The following FLG2 variants were observed in gnomAD, a reference collection of about 807,000 sequenced individuals.
FLG2 encodes the protein filaggrin-2.
FLG2 carries 7 observed loss-of-function variants against 3.9 expected under a neutral mutation model. The observed-to-expected ratio is 1.79, with a 90% CI of 1.02 to 3.36. The LOEUF is 3.36. FLG2 is among the 30% of genes most tolerant of loss of function. The pLI is 0.00. For missense variants in FLG2, 2,700 were observed against 2,809.4 expected, an observed-to-expected ratio of 0.96 and a Z score of 0.88; for synonymous variants, 1,031 against 1,056.1, an observed-to-expected ratio of 0.98 and a Z score of 0.46.
chr1:152,351,376 C>A lies in FLG2; in HGVS notation c.6410G>T (p.Gly2137Val), dbSNP rs745669747. The A allele has an allele frequency of 3.5e-5, 56 of 1,613,368 alleles. No individual in the cohort carries two copies. In the South Asian group the frequency reaches 5.5e-4, roughly 16 times the overall value. Residue 2137 changes from glycine to valine, a missense_variant, in exon 3 of 3, where the codon GGA (glycine) becomes GTA (valine). Physicochemically the swap from Gly to Val is moderately radical, Grantham distance 109. Transcript: ENST00000388718. ...TCCCTGTCTCCCGTGAATGGCAGATCCTGACTCTCCATGTTGAGATCTGGC... is the reference window on the plus strand; with the variant it reads ...TCCCTGTCTCCCGTGAATGGCAGATACTGACTCTCCATGTTGAGATCTGGC... ...GQARSQHGES[G>V]SAIHGRQGTI...
At position 152,353,256 on chromosome 1, in the gene FLG2, G is replaced by A. The variant is rs12022217; in HGVS notation, c.4530C>T (p.His1510=). Residue 1510 remains histidine (H), a synonymous_variant, in exon 3 of 3, where the codon CAC becomes CAT. Coordinates refer to ENST00000388718, the MANE Select transcript of FLG2 (RefSeq NM_001014342.3). ...GHSESSDSEV[H]SGGSHTHSGH... Reference sequence around the variant, plus strand: ...CTGAATGTGTGTGCGAGCCCCCTGAGTGCACTTCACTGTCACTGGACTCAC... The same window carrying A: ...CTGAATGTGTGTGCGAGCCCCCTGAATGCACTTCACTGTCACTGGACTCAC... The A allele has an allele frequency of 0.18, 292,236 of 1,612,424 alleles. 30,709 individuals are homozygous for A. Among genetic ancestry groups the A allele is most frequent in the East Asian group, 0.44 (19,652 of 44,652 alleles).
chr1:152,351,906 G>C lies in FLG2; in HGVS notation c.5880C>G (p.Asp1960Glu). 1.9e-6 allele frequency: 3 copies of C among 1,613,864 alleles called. No homozygotes were observed. Among genetic ancestry groups the C allele is most frequent in the Non-Finnish European group, 2.5e-6 (3 of 1,179,928 alleles). The change falls in exon 3 of 3, where the codon GAC becomes GAG. Residue 1960 changes from aspartate to glutamate, a missense_variant. Physicochemically the swap from Asp to Glu is conservative, Grantham distance 45. Coordinates refer to ENST00000388718, the MANE Select transcript of FLG2 (RefSeq NM_001014342.3). Reference protein sequence around the residue: ...RRGSGHSEYSDSEGPSGVSHT... With the variant: ...RRGSGHSEYSESEGPSGVSHT... The stretch of plus-strand genomic sequence containing the variant: ...GTGAGACCCCTGAGGGCCCTTCACT[G>C]TCACTGTACTCACTGTGGCCAGATC...
rs1414370204 is a variant in FLG2, at chr1:152,349,349, G to A, written c.*1261C>T. The A allele has an allele frequency of 6.6e-6, 1 of 152,124 alleles. No individual in the cohort carries two copies. Among genetic ancestry groups the A allele is most frequent in the Non-Finnish European group, 1.5e-5 (1 of 68,054 alleles). The allele number at this position is 152,124 out of a possible 1,614,324, so 9.4% of individuals were successfully genotyped here. ...TTTAGTAGAGACGGGATTTCACTAT[G>A]TTGGCCAGGCTGGTCTCGAACTCCT... On this transcript the variant is annotated 3_prime_UTR_variant, in exon 3 of 3. Coordinates refer to ENST00000388718, the MANE Select transcript of FLG2 (RefSeq NM_001014342.3).
In FLG2 at chr1:152,355,651, C is replaced by T; in HGVS notation, c.2135G>A (p.Ser712Asn). 6.2e-7 allele frequency: 1 copy of T among 1,613,870 alleles called. No homozygotes were observed. Among genetic ancestry groups the T allele is most frequent in the African/African-American group, 1.3e-5 (1 of 74,920 alleles). ...QSSGYGQHGSSSGQTSGFGQH... is the reference protein window; with the variant it reads ...QSSGYGQHGSNSGQTSGFGQH... ...TCCAAATCCAGATGTCTGTCCTGAA[C>T]TTGACCCATGTTGACCATAGCCAGA... is the stretch of plus-strand genomic sequence containing the variant. Residue 712 changes from serine (S) to asparagine (N), a missense_variant, in exon 3 of 3, where the codon AGT (serine) becomes AAT (asparagine). Physicochemically the swap from Ser to Asn is conservative, Grantham distance 46. Coordinates refer to ENST00000388718, the MANE Select transcript of FLG2 (RefSeq NM_001014342.3).
chr1:152,352,375 C>T lies in FLG2; in HGVS notation c.5411G>A (p.Ser1804Asn). Residue 1804 changes from serine to asparagine, a missense_variant, in exon 3 of 3, where the codon AGT becomes AAT. By Grantham distance (46) the Ser-to-Asn change is conservative. Coordinates refer to ENST00000388718, the MANE Select transcript of FLG2 (RefSeq NM_001014342.3). The stretch of plus-strand genomic sequence containing the variant: ...GTGCCCTTCACTGTCACTGTACTCA[C>T]TGTGGCCAGATGACCTTCTTCCAGT... ...RTTGRRSSGH[S>N]EYSDSEGHSG... The T allele has an allele frequency of 6.2e-7, 1 of 1,613,930 alleles. No individual in the cohort carries two copies. Among genetic ancestry groups the T allele is most frequent in the South Asian group, 1.1e-5 (1 of 91,058 alleles).
chr1:152,357,687 TA>T, intron 2 of FLG2, 40 bp from the exon 3 acceptor site: 1 of 1,412,912 alleles, frequency 7.1e-7, no homozygotes. Context: ...CTGGTCAGCC[TA>T]ACCTGCATAC....
Position 152,357,341 on chromosome 1 carries a change from C to T in FLG2, c.445G>A (p.Gly149Arg), listed in dbSNP as rs1210846933. 1.9e-6 allele frequency: 3 copies of T among 1,614,038 alleles called. No homozygotes were observed. The East Asian group carries it at 6.7e-5, about 36-fold the overall frequency. ...EHGYSSGHSR[G>R]TVKCRHGSNS... ...GACCCATGTCTACATTTCACAGTTC[C>T]CCTTGAGTGCCCAGAACTATATCCA... Residue 149 changes from glycine (G) to arginine (R), a missense_variant, in exon 3 of 3, where the codon GGA (glycine) becomes AGA (arginine). Physicochemically the swap from Gly to Arg is moderately radical, Grantham distance 125. Coordinates refer to ENST00000388718, the MANE Select transcript of FLG2 (RefSeq NM_001014342.3).
At position 152,354,437 on chromosome 1, in the gene FLG2, G is replaced by A; in HGVS notation, c.3349C>T (p.Gln1117Ter). 6.2e-7 allele frequency: 1 copy of A among 1,614,162 alleles called. No individual in the cohort carries two copies. The highest frequency in any genetic ancestry group is 1.6e-4 in the Middle Eastern group (1 of 6,062). Residue 1117 changes from glutamine to a stop codon, truncating the protein, a stop_gained, in exon 3 of 3, where the codon CAA (glutamine) becomes TAA (stop). Transcript: ENST00000388718. LOFTEE classifies it low-confidence loss of function (END_TRUNC). Reference protein sequence around the residue: ...PGSGQSSGFGQYGSGSGQSSG... With the variant: ...PGSGQSSGFG ...GACTGACCTGAGCCCGATCCATATT[G>A]GCCAAAGCCAGAGGACTGACCTGAG...
chr1:152,350,417 T>G lies in FLG2; in HGVS notation c.*193A>C. The G allele has an allele frequency of 1.4e-6, 1 of 692,544 alleles. No individual in the cohort carries two copies. The highest frequency in any genetic ancestry group is 2.3e-6 in the Non-Finnish European group (1 of 425,916). 42.9% of individuals were successfully genotyped at this position (692,544 alleles called of 1,614,324 possible). A position where few individuals can be genotyped will look rare whatever the true frequency, so the allele number is the denominator to read the frequency against. On this transcript the variant is annotated 3_prime_UTR_variant, in exon 3 of 3. Transcript: ENST00000388718. The stretch of plus-strand genomic sequence containing the variant: ...TTATATCCAGGTTGAACATAGGTGT[T>G]GTTTGACTGTTTATGAGTTACTATA...
rs1468236926 is a variant in FLG2 at position 152,359,524 on chromosome 1, CAAG to C, written c.-23+429_-23+431del. Among the ~76,000 whole-genome samples the C allele has an allele frequency of 5.9e-5, 9 of 152,206 alleles. No homozygotes were observed. The South Asian group carries it at 1.2e-3, about 21-fold the overall frequency. ...CCAAACACTGTTTTCTTTAATTAAT[CAAG>C]AAGAAGAGCTCAGCAATGCAGGCAG... On this transcript the variant is annotated intron_variant, in intron 1 of 2. Coordinates refer to ENST00000388718, the MANE Select transcript of FLG2 (RefSeq NM_001014342.3).
chr1:152,356,638 T>C lies in FLG2; in HGVS notation c.1148A>G (p.Tyr383Cys). 1.9e-6 allele frequency: 3 copies of C among 1,614,204 alleles called. No individual in the cohort carries two copies. The highest frequency in any genetic ancestry group is 2.5e-6 in the Non-Finnish European group (3 of 1,180,026). ...GSSQSSCCGQYGSGGSQSCSN... is the reference protein window; with the variant it reads ...GSSQSSCCGQCGSGGSQSCSN... The stretch of plus-strand genomic sequence containing the variant: ...ACAAGACTGGCTACCTCCAGACCCA[T>C]ATTGTCCACAGCAAGAGGACTGACT... The change falls in exon 3 of 3, where the codon TAT (tyrosine) becomes TGT (cysteine). Residue 383 changes from tyrosine to cysteine, a missense_variant. By Grantham distance (194) the Tyr-to-Cys change is radical. Coordinates refer to ENST00000388718, the MANE Select transcript of FLG2 (RefSeq NM_001014342.3).
In FLG2 at chr1:152,351,681, G is replaced by C. The variant is rs750743005; in HGVS notation, c.6105C>G (p.Asp2035Glu). 1 of 1,610,966 alleles carries C rather than the reference G, an allele frequency of 6.2e-7. No individual in the cohort carries two copies. The highest frequency in any genetic ancestry group is 1.1e-5 in the South Asian group (1 of 90,786). The stretch of plus-strand genomic sequence containing the variant: ...GTGAGACCCCTGAGTGCCCTTCACT[G>C]TCACTGTACTCACTGTGGCCAGATG... ...RRASGHSEYS[D>E]SEGHSGVSHT... The change falls in exon 3 of 3, where the codon GAC (aspartate) becomes GAG (glutamate). Residue 2035 changes from aspartate (D) to glutamate (E), a missense_variant. By Grantham distance (45) the Asp-to-Glu change is conservative (BLOSUM62 2). Coordinates refer to ENST00000388718, the MANE Select transcript of FLG2 (RefSeq NM_001014342.3).
At position 152,355,467 on chromosome 1, in the gene FLG2, G is replaced by A. The variant is rs746585354; in HGVS notation, c.2319C>T (p.His773=). 5 of 1,605,154 alleles carry A rather than the reference G, an allele frequency of 3.1e-6. No homozygotes were observed. Among genetic ancestry groups the A allele is most frequent in the African/African-American group, 1.4e-5 (1 of 71,946 alleles). ...CAGATGACTGACTTGAGCCAGAACTGTGTTGGCCATAGCTAGACTGACCTG... is the reference window on the plus strand; with the variant it reads ...CAGATGACTGACTTGAGCCAGAACTATGTTGGCCATAGCTAGACTGACCTG... ...SRSGQSSYGQ[H]SSGSSQSSGY... is the part of the protein sequence containing the mutation. Residue 773 remains histidine, a synonymous_variant, in exon 3 of 3, where the codon CAC becomes CAT. Coordinates refer to ENST00000388718, the MANE Select transcript of FLG2 (RefSeq NM_001014342.3).
Position 152,355,414 on chromosome 1 carries a change from G to A in FLG2, c.2372C>T (p.Thr791Ile), listed in dbSNP as rs376684068. Residue 791 changes from threonine (T) to isoleucine (I), a missense_variant, in exon 3 of 3, where the codon ACA (threonine) becomes ATA (isoleucine). By Grantham distance (89) the Thr-to-Ile change is moderately conservative (BLOSUM62 -1). Coordinates refer to ENST00000388718, the MANE Select transcript of FLG2 (RefSeq NM_001014342.3). ...SGYGQHGSRQ[T>I]SGFGQHGSGS... is the part of the protein sequence containing the mutation. ...TGACCCATGTTGTCCAAAGCCAGATGTCTGTCTAGACCCATGTTGGCCATA... is the reference window on the plus strand; with the variant it reads ...TGACCCATGTTGTCCAAAGCCAGATATCTGTCTAGACCCATGTTGGCCATA... 9 of 1,612,656 alleles carry A rather than the reference G, an allele frequency of 5.6e-6. No homozygotes were observed. The highest frequency in any genetic ancestry group is 2.2e-5 in the South Asian group (2 of 90,980).
chr1:152,359,046 A>G (rs1400279225), intron 1 of FLG2, 140 bp from the exon 2 acceptor site: 2 of 723,522 alleles, frequency 2.8e-6, no homozygotes, highest in Admixed American at 3.1e-5. Context: ...CAGGGATGAT[A>G]CAACCCCGTT....
In FLG2 at chr1:152,357,613, A is replaced by G. The variant is rs763825516; in HGVS notation, c.173T>C (p.Met58Thr). 25 of 1,613,748 alleles carry G rather than the reference A, an allele frequency of 1.5e-5. No individual in the cohort carries two copies. Among genetic ancestry groups the G allele is most frequent in the Non-Finnish European group, 2.0e-5 (24 of 1,179,876 alleles). ...PDDPDTVDVI[M>T]HMLDRDHDRR... Reference sequence around the variant, plus strand: ...GTCATGATCTCGATCCAGCATATGCATGATGACATCCACTGTGTCTGGATC... The same window carrying G: ...GTCATGATCTCGATCCAGCATATGCGTGATGACATCCACTGTGTCTGGATC... The change falls in exon 3 of 3, where the codon ATG (methionine) becomes ACG (threonine). Residue 58 changes from methionine to threonine, a missense_variant. Coordinates refer to ENST00000388718, the MANE Select transcript of FLG2 (RefSeq NM_001014342.3).
At position 152,355,326 on chromosome 1, in the gene FLG2, A is replaced by G; in HGVS notation, c.2460T>C (p.Phe820=). The G allele has an allele frequency of 1.2e-6, 2 of 1,613,952 alleles. No individual in the cohort carries two copies. Among genetic ancestry groups the G allele is most frequent in the Non-Finnish European group, 1.7e-6 (2 of 1,179,910 alleles). ...GTCCTGAGCCAGACCCATGTTGTCC[A>G]AAGCCAGCGGACTGACCTGAGCCTG... is the stretch of plus-strand genomic sequence containing the variant. The part of the protein sequence containing the change: ...YGSGSGQSAG[F]GQHGSGSGQS... The change falls in exon 3 of 3, where the codon TTT becomes TTC. Residue 820 remains phenylalanine, a synonymous_variant. Transcript: ENST00000388718.
At position 152,351,301 on chromosome 1, in the gene FLG2, T is replaced by C. The variant is rs1653909146; in HGVS notation, c.6485A>G (p.His2162Arg). Reference protein sequence around the residue: ...GDTTRHGQSGHGQSTQTGSRT... With the variant: ...GDTTRHGQSGRGQSTQTGSRT... ...GGAACCTGTCTGTGTGGACTGTCCA[T>C]GACCAGACTGGCCATGTCTAGTGGT... The change falls in exon 3 of 3, where the codon CAT (histidine) becomes CGT (arginine). Residue 2162 changes from histidine to arginine, a missense_variant. By Grantham distance (29) the His-to-Arg change is conservative. Transcript: ENST00000388718. 5.0e-6 allele frequency: 8 copies of C among 1,614,084 alleles called. No individual in the cohort carries two copies. Among genetic ancestry groups the C allele is most frequent in the Non-Finnish European group, 5.9e-6 (7 of 1,180,014 alleles).
chr1:152,356,162 T>C lies in FLG2; in HGVS notation c.1624A>G (p.Ser542Gly). ...GAGCCAGAACCATGTTGGCCATAGC[T>C]AGACTGACGTGATCTAGACTCATGT... is the stretch of plus-strand genomic sequence containing the variant. Reference protein sequence around the residue: ...GQHESRSRQSSYGQHGSGSSQ... With the variant: ...GQHESRSRQSGYGQHGSGSSQ... The change falls in exon 3 of 3, where the codon AGC (serine) becomes GGC (glycine). Residue 542 changes from serine (S) to glycine (G), a missense_variant. Ser to Gly is a moderately conservative substitution (Grantham distance 56, BLOSUM62 0). Coordinates refer to ENST00000388718, the MANE Select transcript of FLG2 (RefSeq NM_001014342.3). 1 of 1,613,740 alleles carries C rather than the reference T, an allele frequency of 6.2e-7. No individual in the cohort carries two copies. The highest frequency in any genetic ancestry group is 2.2e-5 in the East Asian group (1 of 44,826).
Sources: allele counts gnomAD v4.1 joint callset (sites outside exome capture counted in the v4.1 genomes callset), GRCh38; gene constraint gnomAD v4.1.1; transcripts MANE v1.5; gene names NCBI Gene and HGNC (gene_info 2026-07-23, HGNC 2026-07-21).